Variants in LIN54 observed in about 807,000 individuals in gnomAD.
LIN54 encodes protein lin-54 homolog.
LIN54 carries 9 observed loss-of-function variants against 78.7 expected under a neutral mutation model. The ratio of observed to expected loss-of-function variants is 0.11; its 90% CI spans 0.07 to 0.20. LIN54 has a LOEUF of 0.20. Ranked by LOEUF, LIN54 falls within the 10% of genes least tolerant of loss-of-function variation. The probability of loss-of-function intolerance (pLI) is 1.00; values close to 1 mark genes in which losing one functional copy is unlikely to be tolerated. For missense variants in LIN54, 573 were observed against 889.9 expected (o/e 0.64, Z 4.53); for synonymous variants, 269 against 318.4 (o/e 0.84, Z 1.65).
At chr4:82,979,847 G>C (rs1416804124) in intron 2 of LIN54, among the ~76,000 whole-genome samples, 1 of 145,006 alleles carries the variant, frequency 6.9e-6, no homozygotes, top group Non-Finnish European at 1.5e-5. Flanking sequence ...TGAGGCAGGA[G>C]AATTGCTTGA....
At chr4:82,996,666 A>C (rs1728253192) in intron 1 of LIN54, among the ~76,000 whole-genome samples, 1 of 152,104 alleles carries the variant, frequency 6.6e-6, no homozygotes, top group South Asian at 2.1e-4. Context: ...AGCCTCCCAA[A>C]GTGCTGGAAT....
At position 82,938,253 on chromosome 4, in the gene LIN54, G is replaced by A. The variant is rs140284523; in HGVS notation, c.1532+160C>T. On this transcript the variant is annotated intron_variant, in intron 8 of 12. Transcript: ENST00000340417. ...GAGTATTTGGGAATTGACTATTTCT[G>A]TAATTTTTCTGTTTGAAATATTTCA... is the stretch of plus-strand genomic sequence containing the variant. Among the ~76,000 whole-genome samples the A allele has an allele frequency of 8.8e-3, 1,346 of 152,292 alleles. 13 individuals carry two copies. The highest frequency in any genetic ancestry group is 0.054 in the Middle Eastern group (16 of 294).
Position 82,936,260 on chromosome 4 carries a change from T to G in LIN54, c.1707+19A>C. Reference sequence around the variant, plus strand: ...AAACTGGATATTTCTGTCAGTTAAATGAAATAAAAAATAATCACCTTTATT... The same window carrying G: ...AAACTGGATATTTCTGTCAGTTAAAGGAAATAAAAAATAATCACCTTTATT... On this transcript the variant is annotated intron_variant, in intron 10 of 12. Coordinates refer to ENST00000340417, the MANE Select transcript of LIN54 (RefSeq NM_194282.4). 6.6e-7 allele frequency: 1 copy of G among 1,523,436 alleles called. No homozygotes were observed. Among genetic ancestry groups the G allele is most frequent in the Non-Finnish European group, 9.0e-7 (1 of 1,113,974 alleles). The allele number at this position is 1,523,436 out of a possible 1,614,324, so 94.4% of individuals were successfully genotyped here. A position where few individuals can be genotyped will look rare whatever the true frequency, so the allele number is the denominator to read the frequency against.
intron 1 of LIN54, among the ~76,000 whole-genome samples, chr4:83,007,370 T>C (rs1160419569): frequency 6.6e-6 from 1 of 152,136 alleles, no homozygotes; most frequent in African/African-American, 2.4e-5. Flanking sequence ...ATTAACATGA[T>C]GGAAAAAACA....
chr4:82,960,783 G>C lies in LIN54; in HGVS notation c.951+9544C>G, dbSNP rs561243074. ...GTGTATAAGTAAATTTTACCAGCCA[G>C]GCGTGGTAGCTCATACATGTAATCC... On this transcript the variant is annotated intron_variant, in intron 4 of 12. Coordinates refer to ENST00000340417, the MANE Select transcript of LIN54 (RefSeq NM_194282.4). Among the ~76,000 whole-genome samples the C allele has an allele frequency of 7.9e-4, 121 of 152,284 alleles. 5 individuals are homozygous for C. The South Asian group carries it at 0.023, about 29-fold the overall frequency.
At chr4:83,007,194 C>A (rs1729473258) in intron 1 of LIN54, among the ~76,000 whole-genome samples, 1 of 151,800 alleles carries the variant, frequency 6.6e-6, no homozygotes, top group African/African-American at 2.4e-5. Context: ...AATTATATAA[C>A]TGAGTGAAAT....
chr4:82,944,463 C>T (rs944976725), intron 5 of LIN54, among the ~76,000 whole-genome samples: 1 of 152,106 alleles, frequency 6.6e-6, no homozygotes, highest in Non-Finnish European at 1.5e-5. Context: ...TAAAATTTGA[C>T]TCCCTTAGTC....
At chr4:82,994,835 T>G (rs1450206319) in intron 1 of LIN54, among the ~76,000 whole-genome samples, 1 of 152,060 alleles carries the variant, frequency 6.6e-6, no homozygotes, top group East Asian at 1.9e-4. Flanking sequence ...AATATGGTGG[T>G]GGATTTGTTT....
intron 3 of LIN54, among the ~76,000 whole-genome samples, chr4:82,973,925 T>C (rs1725895725): frequency 6.6e-6 from 1 of 152,038 alleles, no homozygotes; most frequent in Non-Finnish European, 1.5e-5. Context: ...GTGCCAAAAA[T>C]AGGAGCAGGG....
intron 1 of LIN54, among the ~76,000 whole-genome samples, chr4:83,000,114 G>C (rs966607970): frequency 6.6e-6 from 1 of 151,982 alleles, no homozygotes; most frequent in Admixed American, 6.6e-5. Context: ...GGCTGGTCTC[G>C]AACTCCTGGG....
chr4:83,002,226 T>A (rs1185491686), intron 1 of LIN54, among the ~76,000 whole-genome samples: 1 of 151,542 alleles, frequency 6.6e-6, no homozygotes. Flanking sequence ...AAAAAAAGCT[T>A]GCTACCACAG....
At chr4:82,940,445 T>A (rs1387807201) in intron 5 of LIN54, among the ~76,000 whole-genome samples, 2 of 152,004 alleles carry the variant, frequency 1.3e-5, no homozygotes, top group Admixed American at 1.3e-4. Flanking sequence ...CAGGCTGGAG[T>A]GTAGTGGTGC....
At chr4:82,979,939 CAAAA>C (rs70943176) in intron 2 of LIN54, among the ~76,000 whole-genome samples, 20 of 49,848 alleles carry the variant, frequency 4.0e-4, no homozygotes, top group South Asian at 2.8e-3. Flanking sequence ...GACTCTGTCT[CAAAA>C]AAAAAAAAAA....
chr4:82,950,318 GT>G (rs1723755527), intron 4 of LIN54, among the ~76,000 whole-genome samples: 1 of 151,990 alleles, frequency 6.6e-6, no homozygotes, highest in African/African-American at 2.4e-5. Context: ...ATGCTTTATA[GT>G]AACACTCTCT....
intron 1 of LIN54, among the ~76,000 whole-genome samples, chr4:83,008,035 A>C (rs967938291): frequency 5.9e-5 from 9 of 152,108 alleles, no homozygotes; most frequent in African/African-American, 2.2e-4. Flanking sequence ...TTGTGTCTAA[A>C]TCTCCAACTC....
At chr4:82,947,225 A>AT (rs1304000304) in intron 4 of LIN54, among the ~76,000 whole-genome samples, 5 of 21,624 alleles carry the variant, frequency 2.3e-4, no homozygotes, top group African/African-American at 6.0e-4. Flanking sequence ...ATATATATAT[A>AT]TATATATATA....
intron 4 of LIN54, among the ~76,000 whole-genome samples, chr4:82,964,973 G>A (rs1560752057): frequency 6.6e-6 from 1 of 152,120 alleles, no homozygotes; most frequent in Admixed American, 6.5e-5. Context: ...ACTCCAGCAT[G>A]GGCAACAGAG....
At chr4:82,968,216 AT>A (rs1240723304) in intron 4 of LIN54, among the ~76,000 whole-genome samples, 1 of 151,336 alleles carries the variant, frequency 6.6e-6, no homozygotes, top group African/African-American at 2.4e-5. Flanking sequence ...CTAATTTTGT[AT>A]TTTTTTTGTA....
rs1342137194 is a variant in LIN54, at chr4:82,996,733, A to ATTTT, written c.-32-11858_-32-11857insAAAA. On this transcript the variant is annotated intron_variant, in intron 1 of 12. Transcript: ENST00000340417. The stretch of plus-strand genomic sequence containing the variant: ...CCAATATTTTTAGTTCATAAAATAA[A>ATTTT]AGTTCTAAAGGCAAAGTATGTTCTA... 2.0e-5 allele frequency among the ~76,000 whole-genome samples: 3 copies of ATTTT among 152,150 alleles called. No homozygotes were observed. The East Asian group carries it at 5.8e-4, about 29-fold the overall frequency.
Sources: allele counts gnomAD v4.1 joint callset (sites outside exome capture counted in the v4.1 genomes callset), GRCh38; gene constraint gnomAD v4.1.1; transcripts MANE v1.5; gene names NCBI Gene and HGNC (gene_info 2026-07-23, HGNC 2026-07-21).